RAB27B: variants seen among roughly 807,000 people sequenced by gnomAD.
RAB27B encodes ras-related protein Rab-27B.
RAB27B carries 15 observed loss-of-function variants against 24.6 expected under a neutral mutation model. That is an observed-to-expected ratio of 0.61 (90% CI 0.41 to 0.94). The LOEUF is 0.94. Ranked by LOEUF, RAB27B falls within the 40% of genes least tolerant of loss-of-function variation. The pLI is 0.00. For synonymous variants in RAB27B, 105 were observed against 92.5 expected (o/e 1.14, Z -0.78); for missense variants, 261 against 266.8 (o/e 0.98, Z 0.15).
At chr18:54,882,029 G>A (rs771107995) in intron 3 of RAB27B, among the ~76,000 whole-genome samples, 1 of 152,126 alleles carries the variant, frequency 6.6e-6, no homozygotes, top group Non-Finnish European at 1.5e-5. Flanking sequence ...TTTCCAAAGA[G>A]GGAGAATTAT....
Position 54,884,456 on chromosome 18 carries a change from G to A in RAB27B, c.343+20G>A, listed in dbSNP as rs376104647. ...GGATGAGTAAGTGGGACTGAGTAAT[G>A]TGCATTGGCCGCTTTGGGACTCAAC... On this transcript the variant is annotated intron_variant, in intron 4 of 5. Coordinates refer to ENST00000262094, the MANE Select transcript of RAB27B (RefSeq NM_004163.4). 46 of 1,527,482 alleles carry A rather than the reference G, an allele frequency of 3.0e-5. No individual in the cohort carries two copies. The highest frequency in any genetic ancestry group is 3.9e-5 in the Non-Finnish European group (43 of 1,103,402). 94.6% of individuals were successfully genotyped at this position (1,527,482 alleles called of 1,614,324 possible). A position where few individuals can be genotyped will look rare whatever the true frequency, so the allele number is the denominator to read the frequency against.
At chr18:54,759,600 A>C (rs1908116609) in intron 2 of RAB27B, among the ~76,000 whole-genome samples, 1 of 152,218 alleles carries the variant, frequency 6.6e-6, no homozygotes, top group South Asian at 2.1e-4. Context: ...CACACCCTCA[A>C]GCCTAAGACT....
intron 2 of RAB27B, among the ~76,000 whole-genome samples, chr18:54,728,868 T>G: frequency 1.6e-5 from 1 of 62,392 alleles, no homozygotes; most frequent in African/African-American, 6.7e-5. Flanking sequence ...AGAGTAAGAC[T>G]CTGTCTCAAA....
chr18:54,737,562 G>C (rs939923385), intron 2 of RAB27B, among the ~76,000 whole-genome samples: 1 of 152,080 alleles, frequency 6.6e-6, no homozygotes, highest in Non-Finnish European at 1.5e-5. Context: ...AGAAATACGT[G>C]TTGCTGGGTT....
intron 1 of RAB27B, among the ~76,000 whole-genome samples, chr18:54,835,146 T>A (rs1469931230): frequency 1.3e-5 from 2 of 151,934 alleles, no homozygotes; most frequent in African/African-American, 2.4e-5. Context: ...ATATAAATAT[T>A]AAAAATACAA....
At chr18:54,811,740 G>A (rs148411676) in intron 2 of RAB27B, among the ~76,000 whole-genome samples, 4 of 152,278 alleles carry the variant, frequency 2.6e-5, no homozygotes, top group African/African-American at 9.6e-5. Context: ...GAGGCCTTCA[G>A]GAATTTCCTT....
chr18:54,840,228 C>G lies in RAB27B; in HGVS notation c.-20+11528C>G, dbSNP rs576715874. On this transcript the variant is annotated intron_variant, in intron 1 of 5. Transcript: ENST00000262094. ...TGGGTAAAATTAATCTTTCTTAGAA[C>G]TTTATTTCAGAGCCCATCTTTCTTT... Among the ~76,000 whole-genome samples the G allele has an allele frequency of 9.5e-4, 144 of 152,242 alleles. 1 individual carries two copies. The highest frequency in any genetic ancestry group is 3.4e-3 in the Middle Eastern group (1 of 294).
intron 2 of RAB27B, among the ~76,000 whole-genome samples, chr18:54,757,495 G>A (rs1908044720): frequency 6.6e-6 from 1 of 152,100 alleles, no homozygotes; most frequent in African/African-American, 2.4e-5. Flanking sequence ...AACAAAGATG[G>A]TGTGAAATTA....
chr18:54,783,844 C>T (rs1328554953), intron 2 of RAB27B, among the ~76,000 whole-genome samples: 2 of 152,198 alleles, frequency 1.3e-5, no homozygotes, highest in East Asian at 1.9e-4. Flanking sequence ...TTTACAGTCA[C>T]TCCTCAAGAG....
At chr18:54,758,475 A>G (rs1415123305) in intron 2 of RAB27B, among the ~76,000 whole-genome samples, 1 of 152,206 alleles carries the variant, frequency 6.6e-6, no homozygotes, top group African/African-American at 2.4e-5. Context: ...TGTTTTAAAC[A>G]AAATGTTAAG....
chr18:54,814,476 A>C (rs1910062431), intron 2 of RAB27B, among the ~76,000 whole-genome samples: 2 of 152,202 alleles, frequency 1.3e-5, no homozygotes, highest in African/African-American at 4.8e-5. Flanking sequence ...TGCCATGGGA[A>C]AACATTTTAA....
At chr18:54,836,257 A>C (rs927497265) in intron 1 of RAB27B, among the ~76,000 whole-genome samples, 3 of 151,920 alleles carry the variant, frequency 2.0e-5, no homozygotes, top group Non-Finnish European at 4.4e-5. Flanking sequence ...CTCAAATTAT[A>C]TTGTTATTCT....
Position 54,856,074 on chromosome 18 carries a change from A to G in RAB27B, c.-19-21493A>G, listed in dbSNP as rs529253798. ...TGGGAAAAGCAAGTGATAATGAACA[A>G]GAAGACAGACGTCAGCTGGGGAGAA... On this transcript the variant is annotated intron_variant, in intron 1 of 5. Coordinates refer to ENST00000262094, the MANE Select transcript of RAB27B (RefSeq NM_004163.4). 2.4e-4 allele frequency among the ~76,000 whole-genome samples: 36 copies of G among 152,378 alleles called. No homozygotes were observed. The South Asian group carries it at 7.0e-3, about 30-fold the overall frequency.
At chr18:54,799,083 A>G (rs1296730066) in intron 2 of RAB27B, among the ~76,000 whole-genome samples, 1 of 152,204 alleles carries the variant, frequency 6.6e-6, no homozygotes, top group Non-Finnish European at 1.5e-5. Flanking sequence ...TTTTTATTTT[A>G]GGCTATGCTT....
chr18:54,783,481 T>TTGTGTG (rs34288200), intron 2 of RAB27B, among the ~76,000 whole-genome samples: 32 of 149,786 alleles, frequency 2.1e-4, no homozygotes, highest in South Asian at 4.3e-4. Context: ...GCCTATGGCT[T>TTGTGTG]TGTGTGTGTG....
At chr18:54,825,469 G>GTC (rs35006536), upstream of RAB27B, among the ~76,000 whole-genome samples, 34,722 of 151,782 alleles carry the variant, frequency 0.23, 4,190 homozygotes, top group East Asian at 0.39. Flanking sequence ...ATTTCCATTA[G>GTC]TCAGAATTTT....
intron 2 of RAB27B, among the ~76,000 whole-genome samples, chr18:54,735,094 TA>T (rs1385615570): frequency 6.6e-6 from 1 of 152,178 alleles, no homozygotes; most frequent in East Asian, 1.9e-4. Flanking sequence ...ATATCTACCA[TA>T]AATCTTTGGC....
intron 2 of RAB27B, among the ~76,000 whole-genome samples, chr18:54,781,289 C>G (rs991330602): frequency 5.9e-5 from 9 of 151,890 alleles, no homozygotes; most frequent in Admixed American, 3.9e-4. Context: ...TTCTTAGTGT[C>G]GGTTTTCTCT....
intron 2 of RAB27B, among the ~76,000 whole-genome samples, chr18:54,735,051 C>CA (rs1255272804): frequency 6.6e-6 from 1 of 152,062 alleles, no homozygotes; most frequent in Non-Finnish European, 1.5e-5. Context: ...TTTGTTAAAA[C>CA]AAAATTACTG....
Sources: gnomAD v4.1 joint callset for allele counts (sites outside exome capture counted in the v4.1 genomes callset) on GRCh38, gnomAD v4.1.1 for gene constraint, MANE v1.5 for transcripts, NCBI Gene and HGNC (gene_info 2026-07-23, HGNC 2026-07-21) for gene names.